SLCO1B3: variants seen among roughly 807,000 people sequenced by gnomAD.
SLCO1B3 encodes the protein liver-specific organic anion transporter 2.
In SLCO1B3, 72 loss-of-function variants were observed where a neutral mutation model predicts 71.8. The ratio of observed to expected loss-of-function variants is 1.00; its 90% CI spans 0.83 to 1.22. SLCO1B3 has a LOEUF of 1.22. Among genes scored for constraint, SLCO1B3 ranks in the 50% most tolerant of loss-of-function variants. The pLI is 0.00. For synonymous variants in SLCO1B3, 298 were observed against 278.4 expected (o/e 1.07, Z -0.70); for missense variants, 911 against 819.7 (o/e 1.11, Z -1.36).
At chr12:20,833,473 TAC>T (rs569006778) in intron 3 of SLCO1B3, among the ~76,000 whole-genome samples, 2 of 149,224 alleles carry the variant, frequency 1.3e-5, no homozygotes, top group Admixed American at 6.8e-5. Flanking sequence ...TATAAATATA[TAC>T]ACACATATAC....
At chr12:20,840,260 A>C (rs1370499268) in intron 3 of SLCO1B3, among the ~76,000 whole-genome samples, 1 of 152,160 alleles carries the variant, frequency 6.6e-6, no homozygotes, top group African/African-American at 2.4e-5. Context: ...AAAACCTGCT[A>C]TACATGTGCC....
intron 15 of SLCO1B3, among the ~76,000 whole-genome samples, chr12:20,907,474 C>A (rs1866273119): frequency 1.4e-5 from 2 of 139,934 alleles, no homozygotes; most frequent in East Asian, 2.2e-4. Context: ...TTCCCCTTCC[C>A]CTTCCCCTTC....
At chr12:20,872,890 AGCCCAGCCATAT>A (rs1443824025) in intron 8 of SLCO1B3, among the ~76,000 whole-genome samples, 3 of 152,204 alleles carry the variant, frequency 2.0e-5, no homozygotes, top group African/African-American at 7.2e-5. Flanking sequence ...TTCATCAATC[AGCCCAGCCATAT>A]CTTCTTGGGC....
At chr12:20,825,937 A>T (rs1864412777) in intron 3 of SLCO1B3, among the ~76,000 whole-genome samples, 1 of 152,130 alleles carries the variant, frequency 6.6e-6, no homozygotes, top group South Asian at 2.1e-4. Flanking sequence ...TTTTCTAAGC[A>T]AATAAAAACT....
rs989408924 is a variant in SLCO1B3 at position 20,916,455 on chromosome 12, G to A, written c.*208G>A. The A allele has an allele frequency of 1.4e-5, 6 of 437,508 alleles. No homozygotes were observed. Among genetic ancestry groups the A allele is most frequent in the Non-Finnish European group, 2.5e-5 (6 of 244,868 alleles). 27.1% of individuals were successfully genotyped at this position (437,508 alleles called of 1,614,324 possible). On this transcript the variant is annotated 3_prime_UTR_variant, in exon 16 of 16. Transcript: ENST00000381545. ...GATCCATAAAAATTTAAAGTGAGAGGCATGGTTAGTGTGTGATACAATAAA... is the reference window on the plus strand; with the variant it reads ...GATCCATAAAAATTTAAAGTGAGAGACATGGTTAGTGTGTGATACAATAAA...
At chr12:20,822,099 A>C (rs1014250707) in intron 3 of SLCO1B3, among the ~76,000 whole-genome samples, 8 of 152,210 alleles carry the variant, frequency 5.3e-5, no homozygotes, top group African/African-American at 1.9e-4. Context: ...GAGGTCGTAG[A>C]TGGATCTTTC....
chr12:20,912,875 C>A (rs1334105578), intron 15 of SLCO1B3, among the ~76,000 whole-genome samples: 2 of 45,412 alleles, frequency 4.4e-5, no homozygotes, highest in South Asian at 2.6e-3. Context: ...ATGTTGTTCA[C>A]CATGTTGATC....
Sources: gnomAD v4.1 joint callset for allele counts (sites outside exome capture counted in the v4.1 genomes callset) on GRCh38, gnomAD v4.1.1 for gene constraint, MANE v1.5 for transcripts, NCBI Gene and HGNC (gene_info 2026-07-23, HGNC 2026-07-21) for gene names.